The following GABRR2 variants were observed in gnomAD, a reference collection of about 807,000 sequenced individuals.
GABRR2 encodes the protein gamma-aminobutyric acid type A receptor subunit rho2, also known as gamma-aminobutyric acid receptor subunit rho-2.
A neutral mutation model predicts 47.0 loss-of-function variants in GABRR2; 36 were observed. The ratio of observed to expected loss-of-function variants is 0.77; its 90% confidence interval spans 0.59 to 1.01. The LOEUF (loss-of-function observed/expected upper bound fraction) is 1.01. GABRR2 is among the 50% of genes least tolerant of loss of function. The probability of loss-of-function intolerance (pLI) is 0.00; values close to 1 mark genes in which losing one functional copy is unlikely to be tolerated. For missense variants in GABRR2, 587 were observed against 594.6 expected, an observed-to-expected ratio of 0.99 and a Z score of 0.13; for synonymous variants, 204 against 227.5, an observed-to-expected ratio of 0.90 and a Z score of 0.93.
intron 1 of GABRR2, chr6:89,302,567 T>C: frequency 1.0e-6 from 1 of 1,001,342 alleles, no homozygotes; most frequent in South Asian, 1.3e-5. Context: ...CTGCCTGCAC[T>C]TCTTCATGCC....
chr6:89,282,911 G>A (rs943111586), intron 2 of GABRR2, among the ~76,000 whole-genome samples: 1 of 152,192 alleles, frequency 6.6e-6, no homozygotes, highest in African/African-American at 2.4e-5. Context: ...CTTGACTTCG[G>A]GCAGACACGT....
chr6:89,278,283 AC>A (rs1476165386), intron 2 of GABRR2, among the ~76,000 whole-genome samples: 1 of 152,226 alleles, frequency 6.6e-6, no homozygotes, highest in Non-Finnish European at 1.5e-5. Context: ...AAGGTACCTG[AC>A]TGGAATGGCA....
chr6:89,284,165 AGTACCAAGGGTACCTTGGGAG>A (rs1172007867), intron 2 of GABRR2, among the ~76,000 whole-genome samples: 1 of 152,172 alleles, frequency 6.6e-6, no homozygotes, highest in African/African-American at 2.4e-5. Context: ...ACCCTTGGGA[AGTACCAAGGGTACCTTGGGAG>A]GGGGTGTGAG....
chr6:89,291,919 C>T (rs530682682), intron 2 of GABRR2, among the ~76,000 whole-genome samples: 40 of 152,292 alleles, frequency 2.6e-4, no homozygotes, highest in Non-Finnish European at 5.3e-4. Context: ...CCCAGCTGTG[C>T]ACCCCAACAG....
At chr6:89,275,589 G>A (rs1298896930) in intron 2 of GABRR2, among the ~76,000 whole-genome samples, 1 of 152,198 alleles carries the variant, frequency 6.6e-6, no homozygotes, top group Non-Finnish European at 1.5e-5. Context: ...CTTACTTTTG[G>A]AGGCATCAAA....
intron 1 of GABRR2, among the ~76,000 whole-genome samples, chr6:89,311,258 G>A (rs746297914): frequency 3.3e-5 from 5 of 152,176 alleles, no homozygotes; most frequent in Non-Finnish European, 7.3e-5. Flanking sequence ...CTGCCCCTCT[G>A]ACTCACAGGG....
chr6:89,299,612 T>C (rs1216644898), intron 2 of GABRR2, 147 bp downstream of exon 2: 64 of 608,088 alleles, frequency 1.1e-4, no homozygotes, highest in Non-Finnish European at 1.5e-5. Flanking sequence ...TTGGGAAAAT[T>C]AGGGACTCAG....
chr6:89,280,216 ATATATATATATATAT>A (rs1774232054), intron 2 of GABRR2, among the ~76,000 whole-genome samples: 1 of 9,104 alleles, frequency 1.1e-4, no homozygotes, highest in South Asian at 5.9e-3. Flanking sequence ...AAACAAATAT[ATATATATATATATAT>A]ATATATATAT....
In GABRR2 at chr6:89,256,250, G is replaced by A. The variant is rs775464399; in HGVS notation, c.*1420C>T. Among the ~76,000 whole-genome samples the A allele has an allele frequency of 6.6e-6, 1 of 151,016 alleles. No individual in the cohort carries two copies. Among genetic ancestry groups the A allele is most frequent in the African/African-American group, 2.4e-5 (1 of 40,982 alleles). On this transcript the variant is annotated 3_prime_UTR_variant, in exon 9 of 9. Coordinates refer to ENST00000402938, the MANE Select transcript of GABRR2 (RefSeq NM_002043.5). ...TGAGGTCTGTCTCCCTGGTGGGACT[G>A]TTTTTCCTCCCTTGGAATTCCCATC...
intron 7 of GABRR2, 137 bp from the exon 8 acceptor site, chr6:89,264,745 G>T: frequency 9.0e-7 from 1 of 1,107,540 alleles, no homozygotes; most frequent in Non-Finnish European, 1.3e-6. Context: ...TCGGAGAGGG[G>T]CAAGGATCTG....
chr6:89,305,622 TCACA>T (rs113461901), intron 1 of GABRR2, among the ~76,000 whole-genome samples: 2 of 151,110 alleles, frequency 1.3e-5, no homozygotes, highest in South Asian at 2.1e-4. Flanking sequence ...AGACCCTGTC[TCACA>T]CACACACACA....
At chr6:89,294,247 C>T (rs1236888394) in intron 2 of GABRR2, among the ~76,000 whole-genome samples, 1 of 152,150 alleles carries the variant, frequency 6.6e-6, no homozygotes, top group Non-Finnish European at 1.5e-5. Context: ...TGAGTTCAAG[C>T]AATTATCATG....
chr6:89,254,759 A>G lies in GABRR2; in HGVS notation c.*2911T>C, dbSNP rs3734197. ...TCCTTAGTTCCTGTTTTCTACTCCT[A>G]CCAATGTTGTCTCCACTTTACCTCT... is the stretch of plus-strand genomic sequence containing the variant. On this transcript the variant is annotated 3_prime_UTR_variant, in exon 9 of 9. Transcript: ENST00000402938. Among the ~76,000 whole-genome samples, 13,251 of 152,078 alleles carry G rather than the reference A, an allele frequency of 0.087. 648 individuals are homozygous for G. The highest frequency in any genetic ancestry group is 0.11 in the South Asian group (511 of 4,816).
chr6:89,264,688 T>G (rs1013398108), intron 7 of GABRR2, 80 bp from the exon 8 acceptor site: 83 of 1,519,928 alleles, frequency 5.5e-5, no homozygotes, highest in Non-Finnish European at 7.2e-5. Flanking sequence ...GATTTTACAC[T>G]CTCTATCTCT....
chr6:89,279,947 C>T (rs957513352), intron 2 of GABRR2, among the ~76,000 whole-genome samples: 4 of 151,968 alleles, frequency 2.6e-5, no homozygotes, highest in African/African-American at 4.8e-5. Flanking sequence ...TGGTGGCTCA[C>T]GCCTGTAATC....
At chr6:89,282,039 C>G (rs891677034) in intron 2 of GABRR2, among the ~76,000 whole-genome samples, 2 of 152,296 alleles carry the variant, frequency 1.3e-5, no homozygotes, top group South Asian at 4.1e-4. Context: ...CCAGCCACCT[C>G]CCTCCATCAC....
At chr6:89,313,256 C>CA (rs1465249904) in intron 1 of GABRR2, among the ~76,000 whole-genome samples, 2 of 152,080 alleles carry the variant, frequency 1.3e-5, no homozygotes, top group African/African-American at 4.8e-5. Context: ...CAAGACAGTC[C>CA]AAAAAACTGT....
rs571623084 is a variant in GABRR2 at position 89,275,224 on chromosome 6, A to C, written c.221-3502T>G. Among the ~76,000 whole-genome samples, 10 of 152,338 alleles carry C rather than the reference A, an allele frequency of 6.6e-5. No homozygotes were observed. The South Asian group carries it at 2.1e-3, about 32-fold the overall frequency. On this transcript the variant is annotated intron_variant, in intron 2 of 8. Transcript: ENST00000402938. ...AGTAATAGCAAGCTAAGTAATTCAC[A>C]CTAACATTTCTATTGAAAATTTAAA...
At chr6:89,293,091 G>T (rs1002899106) in intron 2 of GABRR2, among the ~76,000 whole-genome samples, 2 of 151,836 alleles carry the variant, frequency 1.3e-5, no homozygotes, top group African/African-American at 4.8e-5. Flanking sequence ...ACAAAATGTG[G>T]TATACATATC....
Sources: allele counts gnomAD v4.1 joint callset (sites outside exome capture counted in the v4.1 genomes callset), GRCh38; gene constraint gnomAD v4.1.1; transcripts MANE v1.5; gene names NCBI Gene and HGNC (gene_info 2026-07-23, HGNC 2026-07-21).